DNAH17: variants seen among roughly 807,000 people sequenced by gnomAD.
DNAH17 encodes dynein axonemal heavy chain 17.
DNAH17 carries 376 observed loss-of-function variants against 485.6 expected under a neutral mutation model. That is an observed-to-expected ratio of 0.77 (90% CI 0.71 to 0.84). The LOEUF is 0.84. Among genes scored for constraint, DNAH17 ranks in the 40% least tolerant of loss-of-function variants. DNAH17 has a pLI of 0.00. For synonymous variants in DNAH17, 3,031 were observed against 2,405.9 expected, an observed-to-expected ratio of 1.26 and a Z score of -7.60; for missense variants, 6,370 against 5,839.3, an observed-to-expected ratio of 1.09 and a Z score of -2.96.
At chr17:78,526,792 G>T in intron 23 of DNAH17, 55 bp from the exon 24 acceptor site, 1 of 1,562,450 alleles carries the variant, frequency 6.4e-7, no homozygotes, top group South Asian at 1.2e-5. Context: ...CCTGCCCCAA[G>T]GGTGGCCCCA....
intron 44 of DNAH17, among the ~76,000 whole-genome samples, chr17:78,486,848 G>T (rs923566358): frequency 8.5e-5 from 13 of 152,252 alleles, no homozygotes; most frequent in Middle Eastern, 3.4e-3. Flanking sequence ...AAAGGAGAAA[G>T]ATCTCATGAT....
intron 25 of DNAH17, among the ~76,000 whole-genome samples, chr17:78,523,265 A>G (rs1172061740): frequency 1.3e-5 from 2 of 152,054 alleles, no homozygotes; most frequent in Non-Finnish European, 2.9e-5. Context: ...CTGAGATTAC[A>G]GGCACCTGCC....
Position 78,564,244 on chromosome 17 carries a change from A to G in DNAH17, c.1570-2264T>C, listed in dbSNP as rs977042477. ...TGGGGGAGGTTCAGCCCAGACCCGT[A>G]CGCTGGTCCTTATCTGCTCTTCCCC... On this transcript the variant is annotated intron_variant, in intron 11 of 80. Transcript: ENST00000389840. Among the ~76,000 whole-genome samples, 50 of 152,282 alleles carry G rather than the reference A, an allele frequency of 3.3e-4. 1 individual carries two copies. Among genetic ancestry groups the G allele is most frequent in the African/African-American group, 1.1e-3 (47 of 41,564 alleles).
At chr17:78,566,938 G>A in intron 10 of DNAH17, 61 bp downstream of exon 10, 2 of 1,541,870 alleles carry the variant, frequency 1.3e-6, no homozygotes, top group Non-Finnish European at 1.7e-6. Flanking sequence ...CCCTAAGCTG[G>A]TACCGAGGCT....
At chr17:78,523,966 G>A (rs1568194533) in intron 25 of DNAH17, among the ~76,000 whole-genome samples, 1 of 152,204 alleles carries the variant, frequency 6.6e-6, no homozygotes, top group Non-Finnish European at 1.5e-5. Context: ...TTAGTCAGTA[G>A]GAAATACAAA....
rs755714199 is a variant in DNAH17 at position 78,485,775 on chromosome 17, A to AG, written c.7276-19dup. The AG allele has an allele frequency of 6.2e-7, 1 of 1,610,680 alleles. No individual in the cohort carries two copies. The highest frequency in any genetic ancestry group is 2.2e-5 in the East Asian group (1 of 44,832). On this transcript the variant is annotated intron_variant, in intron 46 of 80. Coordinates refer to ENST00000389840, the MANE Select transcript of DNAH17 (RefSeq NM_173628.4). ...AAAGAGGCCTGGGGCAGGGGAGGGA[A>AG]GGGGAGGGAGCTGTGATTCTCAGAC...
chr17:78,524,299 A>C (rs1160513709), intron 25 of DNAH17, among the ~76,000 whole-genome samples: 4 of 152,064 alleles, frequency 2.6e-5, no homozygotes, highest in Admixed American at 2.6e-4. Flanking sequence ...CACCACGCCC[A>C]GTTAATTTTC....
intron 24 of DNAH17, 77 bp from the exon 25 acceptor site, chr17:78,525,238 CG>C: frequency 6.5e-7 from 1 of 1,547,016 alleles, no homozygotes; most frequent in South Asian, 1.2e-5. Context: ...ACGTTCTGCC[CG>C]TCTCTCCAGT....
At chr17:78,466,987 C>A (rs1236978265) in intron 55 of DNAH17, among the ~76,000 whole-genome samples, 171 bp from the exon 56 acceptor site, 1 of 152,232 alleles carries the variant, frequency 6.6e-6, no homozygotes, top group African/African-American at 2.4e-5. Flanking sequence ...CGCTGCATTG[C>A]CGTGGATAAA....
In DNAH17 at chr17:78,462,876, C is replaced by T. The variant is rs969488312; in HGVS notation, c.9142G>A (p.Gly3048Ser). 20 of 1,613,878 alleles carry T rather than the reference C, an allele frequency of 1.2e-5. No individual in the cohort carries two copies. The highest frequency in any genetic ancestry group is 2.7e-5 in the African/African-American group (2 of 74,918). The change falls in exon 57 of 81, where the codon GGC (glycine) becomes AGC (serine). Residue 3048 changes from glycine (G) to serine (S), a missense_variant. By Grantham distance (56) the Gly-to-Ser change is moderately conservative. Coordinates refer to ENST00000389840, the MANE Select transcript of DNAH17 (RefSeq NM_173628.4). Reference sequence around the variant, plus strand: ...GCCGTGCTCTGCAGCTTCATCAGGCCGTTCTCCAGCCTCTCGATTTTGGCA... The same window carrying T: ...GCCGTGCTCTGCAGCTTCATCAGGCTGTTCTCCAGCCTCTCGATTTTGGCA... ...LVAKIERLEN[G>S]LMKLQSTASQ...
At chr17:78,477,052 A>C (rs1294740449) in intron 51 of DNAH17, among the ~76,000 whole-genome samples, 1 of 152,224 alleles carries the variant, frequency 6.6e-6, no homozygotes, top group Non-Finnish European at 1.5e-5. Flanking sequence ...GACCGATGCC[A>C]TAGGGCAGGT....
rs1568117331 is a variant in DNAH17 at position 78,478,005 on chromosome 17, T to TTATCATCTC, written c.7992+1019_7992+1020insGAGATGATA. Reference sequence around the variant, plus strand: ...ATCACCACCATCACCACCACCATCATCACCATCATCACCATCACCACCACC... The same window carrying TTATCATCTC: ...ATCACCACCATCACCACCACCATCATTATCATCTCCACCATCATCACCATCACCACCACC... On this transcript the variant is annotated intron_variant, in intron 51 of 80. Coordinates refer to ENST00000389840, the MANE Select transcript of DNAH17 (RefSeq NM_173628.4). 3.9e-3 allele frequency among the ~76,000 whole-genome samples: 354 copies of TTATCATCTC among 90,180 alleles called. 3 individuals carry two copies. Among genetic ancestry groups the TTATCATCTC allele is most frequent in the African/African-American group, 0.026 (321 of 12,304 alleles). 59.2% of individuals were successfully genotyped at this position (90,180 alleles called of 152,430 possible). A position where few individuals can be genotyped will look rare whatever the true frequency, so the allele number is the denominator to read the frequency against.
chr17:78,548,010 A>G (rs2091811386), intron 16 of DNAH17, among the ~76,000 whole-genome samples: 1 of 152,226 alleles, frequency 6.6e-6, no homozygotes, highest in East Asian at 1.9e-4. Context: ...CATATTAGCA[A>G]TTTCCTAAAA....
chr17:78,470,975 T>A (rs953532696), intron 54 of DNAH17, among the ~76,000 whole-genome samples: 1 of 152,232 alleles, frequency 6.6e-6, no homozygotes, highest in Non-Finnish European at 1.5e-5. Flanking sequence ...GCTCGTTATT[T>A]TTGAATATGC....
chr17:78,571,646 C>T lies in DNAH17; in HGVS notation c.676G>A (p.Val226Met), dbSNP rs891362532. Residue 226 changes from valine (V) to methionine (M), a missense_variant, in exon 4 of 81, where the codon GTG becomes ATG. Physicochemically the swap from Val to Met is conservative, Grantham distance 21. Transcript: ENST00000389840. Reference protein sequence around the residue: ...LLDGLHPLPQVEFEFWDTRLL... With the variant: ...LLDGLHPLPQMEFEFWDTRLL... ...CGAGTGTCCCAGAACTCGAACTCCACTTGGGGCAGGGGGTGCAGCCCATCC... is the reference window on the plus strand; with the variant it reads ...CGAGTGTCCCAGAACTCGAACTCCATTTGGGGCAGGGGGTGCAGCCCATCC... The T allele has an allele frequency of 1.2e-6, 2 of 1,614,022 alleles. No individual in the cohort carries two copies. Among genetic ancestry groups the T allele is most frequent in the Non-Finnish European group, 1.7e-6 (2 of 1,179,892 alleles).
chr17:78,572,426 C>T (rs993231886), intron 3 of DNAH17, among the ~76,000 whole-genome samples: 3 of 152,070 alleles, frequency 2.0e-5, no homozygotes, highest in African/African-American at 4.8e-5. Context: ...GTGACTGGAT[C>T]GGCACACATG....
chr17:78,502,371 A>C (rs931383106), intron 33 of DNAH17: 1 of 445,506 alleles, frequency 2.2e-6, no homozygotes, highest in Non-Finnish European at 4.0e-6. Flanking sequence ...ATCAAAGTAC[A>C]TATTTCTGAA....
At chr17:78,498,014 C>T (rs969982348) in intron 37 of DNAH17, among the ~76,000 whole-genome samples, 33 of 151,974 alleles carry the variant, frequency 2.2e-4, no homozygotes, top group Non-Finnish European at 3.8e-4. Context: ...TGGTGGTGCA[C>T]GCCTGCAATC....
chr17:78,450,906 C>A, intron 66 of DNAH17, 60 bp from the exon 67 acceptor site: 1 of 1,589,166 alleles, frequency 6.3e-7, no homozygotes, highest in Non-Finnish European at 8.6e-7. Flanking sequence ...GGCACCCGGG[C>A]CTCCCTCAGG....
Sources: allele counts gnomAD v4.1 joint callset (sites outside exome capture counted in the v4.1 genomes callset), GRCh38; gene constraint gnomAD v4.1.1; transcripts MANE v1.5; gene names NCBI Gene and HGNC (gene_info 2026-07-23, HGNC 2026-07-21).